AMZ1: variants seen among roughly 807,000 people sequenced by gnomAD.
AMZ1 encodes the protein archaemetzincin-1.
Under a neutral mutation model 29.9 loss-of-function variants are expected in AMZ1, and 39 were observed. That is an observed-to-expected ratio of 1.30 (90% CI 1.01 to 1.70). The LOEUF is 1.70. Ranked by LOEUF, AMZ1 falls within the 40% of genes most tolerant of loss-of-function variation. AMZ1 has a pLI of 0.00. For synonymous variants in AMZ1, 458 were observed against 304.0 expected (o/e 1.51, Z -5.27); for missense variants, 1,041 against 680.6 (o/e 1.53, Z -5.89).
downstream of AMZ1, among the ~76,000 whole-genome samples, chr7:2,723,463 A>T (rs1380721680): frequency 6.6e-6 from 1 of 152,194 alleles, no homozygotes; most frequent in Admixed American, 6.5e-5. Context: ...GTTTGTACTG[A>T]CCTTCTTTGA....
chr7:2,746,831 G>C (rs1790787380), intron 4 of AMZ1, among the ~76,000 whole-genome samples: 1 of 152,050 alleles, frequency 6.6e-6, no homozygotes, highest in Admixed American at 6.6e-5. Context: ...AAATGATAAA[G>C]GGGATATCAT....
chr7:2,710,415 A>C (rs1157462145), intron 6 of AMZ1, among the ~76,000 whole-genome samples: 2 of 152,218 alleles, frequency 1.3e-5, no homozygotes, highest in Non-Finnish European at 2.9e-5. Flanking sequence ...TTGGACTACA[A>C]CCAGTTATAA....
intron 6 of AMZ1, among the ~76,000 whole-genome samples, chr7:2,710,456 T>C (rs1252048068): frequency 6.6e-6 from 1 of 152,226 alleles, no homozygotes. Context: ...ACCAGAGCAG[T>C]CAATGAAACC....
chr7:2,743,591 C>T (rs1011024278), intron 4 of AMZ1, among the ~76,000 whole-genome samples: 5 of 152,324 alleles, frequency 3.3e-5, no homozygotes, highest in African/African-American at 1.2e-4. Flanking sequence ...CAGCTCCGGT[C>T]TACAGCTCCC....
intron 4 of AMZ1, among the ~76,000 whole-genome samples, chr7:2,739,655 G>GA (rs1246898736): frequency 6.6e-6 from 1 of 152,134 alleles, no homozygotes; most frequent in Non-Finnish European, 1.5e-5. Flanking sequence ...ACCTAGGAGT[G>GA]AAACTGTAGC....
intron 1 of AMZ1, among the ~76,000 whole-genome samples, chr7:2,690,562 C>T (rs1428782919): frequency 6.6e-6 from 1 of 152,142 alleles, no homozygotes; most frequent in Non-Finnish European, 1.5e-5. Flanking sequence ...TCCCGGGCGG[C>T]TCAGGTTGGC....
intron 4 of AMZ1, among the ~76,000 whole-genome samples, chr7:2,736,468 G>T (rs1041412873): frequency 2.6e-5 from 4 of 152,216 alleles, no homozygotes; most frequent in African/African-American, 9.6e-5. Context: ...TCCCACGAAT[G>T]TGTCTGTCCT....
At chr7:2,725,179 G>T (rs1011139849) in intron 4 of AMZ1, among the ~76,000 whole-genome samples, 1 of 152,374 alleles carries the variant, frequency 6.6e-6, no homozygotes, top group Middle Eastern at 3.4e-3. Flanking sequence ...GACTAGTTCA[G>T]TGGGATGTGG....
chr7:2,740,417 A>T (rs770100242), intron 4 of AMZ1, among the ~76,000 whole-genome samples: 24 of 152,194 alleles, frequency 1.6e-4, no homozygotes, highest in Non-Finnish European at 2.2e-4. Context: ...ACCAGGACAC[A>T]GTGAGAAGCT....
Position 2,718,204 on chromosome 7 carries a change from T to G in AMZ1, c.*5326T>G, listed in dbSNP as rs1789241455. On this transcript the variant is annotated 3_prime_UTR_variant, in exon 7 of 7. Coordinates refer to ENST00000683327, the MANE Select transcript of AMZ1 (RefSeq NM_001384743.1). ...CATGGAAACTGAGCCCGGCATGGAG[T>G]CACGTGGCTCCACCCTGGGGCTCCT... 6.6e-6 allele frequency among the ~76,000 whole-genome samples: 1 copy of G among 152,050 alleles called. No homozygotes were observed. Among genetic ancestry groups the G allele is most frequent in the Non-Finnish European group, 1.5e-5 (1 of 68,010 alleles).
At chr7:2,706,182 A>C (rs1055130757) in intron 3 of AMZ1, among the ~76,000 whole-genome samples, 1 of 152,086 alleles carries the variant, frequency 6.6e-6, no homozygotes, top group Non-Finnish European at 1.5e-5. Flanking sequence ...CCTGGTTTTT[A>C]ATTTTTTTTT....
At chr7:2,683,670 C>T (rs953024955), upstream of AMZ1, among the ~76,000 whole-genome samples, 2 of 152,090 alleles carry the variant, frequency 1.3e-5, no homozygotes, top group African/African-American at 2.4e-5. Context: ...GATCTCCTGA[C>T]CTCGTGATCC....
intron 4 of AMZ1, among the ~76,000 whole-genome samples, chr7:2,743,893 G>C (rs1454840071): frequency 6.6e-6 from 1 of 151,984 alleles, no homozygotes; most frequent in Non-Finnish European, 1.5e-5. Context: ...GGCTCGGAGG[G>C]TCCTACACCC....
At chr7:2,685,855 G>GAAAAA (rs10710624), upstream of AMZ1, among the ~76,000 whole-genome samples, 4 of 86,754 alleles carry the variant, frequency 4.6e-5, no homozygotes, top group Non-Finnish European at 4.9e-5. Context: ...TCCGTCTCAA[G>GAAAAA]AAAAAAAAAA....
intron 1 of AMZ1, among the ~76,000 whole-genome samples, chr7:2,697,184 C>A (rs1056322188): frequency 6.6e-6 from 1 of 152,178 alleles, no homozygotes; most frequent in Non-Finnish European, 1.5e-5. Context: ...CTCACTGCAA[C>A]CTCTGCCTCC....
intron 3 of AMZ1, among the ~76,000 whole-genome samples, chr7:2,704,711 G>C (rs7807904): frequency 0.74 from 111,316 of 150,862 alleles, 41,074 homozygotes; most frequent in South Asian, 0.87. Context: ...ATTCTCCTGC[G>C]TCAGCCTCCC....
upstream of AMZ1, chr7:2,763,113 C>A (rs1791647110): frequency 8.0e-7 from 1 of 1,242,386 alleles, no homozygotes; most frequent in South Asian, 3.8e-5. Context: ...CCTCTGAAGT[C>A]ATCTTCCTCT....
downstream of AMZ1, among the ~76,000 whole-genome samples, chr7:2,724,342 A>G (rs958698186): frequency 6.6e-6 from 1 of 152,248 alleles, no homozygotes; most frequent in Non-Finnish European, 1.5e-5. Context: ...GCTCTACTTC[A>G]ACGACAAATA....
intron 4 of AMZ1, among the ~76,000 whole-genome samples, chr7:2,737,669 G>A (rs376197493): frequency 1.3e-5 from 2 of 152,122 alleles, no homozygotes; most frequent in Non-Finnish European, 2.9e-5. Context: ...CGAAAACAGG[G>A]CTTGTTAATG....
Sources: gnomAD v4.1 joint callset for allele counts (sites outside exome capture counted in the v4.1 genomes callset) on GRCh38, gnomAD v4.1.1 for gene constraint, MANE v1.5 for transcripts, NCBI Gene and HGNC (gene_info 2026-07-23, HGNC 2026-07-21) for gene names.